Variants in AFF1 observed in about 807,000 individuals in gnomAD.
AFF1 encodes ALF transcription elongation factor 1.
A neutral mutation model predicts 121.7 loss-of-function variants in AFF1; 48 were observed. The ratio of observed to expected loss-of-function variants is 0.39; its 90% CI spans 0.31 to 0.50. The LOEUF (loss-of-function observed/expected upper bound fraction) is 0.50. Among genes scored for constraint, AFF1 ranks in the 20% least tolerant of loss-of-function variants. The pLI is 0.76. For missense variants in AFF1, 1,523 were observed against 1,511.7 expected, an observed-to-expected ratio of 1.01 and a Z score of -0.12; for synonymous variants, 613 against 563.0, an observed-to-expected ratio of 1.09 and a Z score of -1.26.
At chr4:87,092,581 A>G (rs1237737177) in intron 7 of AFF1, among the ~76,000 whole-genome samples, 1 of 152,112 alleles carries the variant, frequency 6.6e-6, no homozygotes, top group Non-Finnish European at 1.5e-5. Context: ...TAGTTTTTGT[A>G]AATAAAGTTT....
At chr4:86,981,113 C>T (rs1047227161) in intron 2 of AFF1, among the ~76,000 whole-genome samples, 13 of 151,750 alleles carry the variant, frequency 8.6e-5, no homozygotes, top group Non-Finnish European at 1.6e-4. Flanking sequence ...GCCAGGTTCA[C>T]GCCACTCTCC....
chr4:86,990,054 A>G (rs1252992527), intron 2 of AFF1, among the ~76,000 whole-genome samples: 2 of 152,158 alleles, frequency 1.3e-5, no homozygotes, highest in Non-Finnish European at 2.9e-5. Flanking sequence ...GAGGGATAGC[A>G]TTAGGAGAAA....
At chr4:87,018,987 G>C (rs755010146) in intron 2 of AFF1, among the ~76,000 whole-genome samples, 4 of 152,128 alleles carry the variant, frequency 2.6e-5, no homozygotes, top group Non-Finnish European at 5.9e-5. Context: ...CATTCCACCT[G>C]GCTATTAAAT....
chr4:87,139,504 C>T lies in AFF1; in HGVS notation c.*3803C>T, dbSNP rs193182210. On this transcript the variant is annotated 3_prime_UTR_variant, in exon 21 of 21. Coordinates refer to ENST00000395146, the MANE Select transcript of AFF1 (RefSeq NM_001166693.3). The stretch of plus-strand genomic sequence containing the variant: ...ACTGATTAGCAGTATTTAAATCTTG[C>T]AAGAATATTTTGTGCTTTCTTTAGA... The T allele has an allele frequency of 4.8e-5, 11 of 231,510 alleles. No homozygotes were observed. Among genetic ancestry groups the T allele is most frequent in the Non-Finnish European group, 8.6e-5 (10 of 116,744 alleles). The allele number at this position is 231,510 out of a possible 1,614,324, so 14.3% of individuals were successfully genotyped here. A position where few individuals can be genotyped will look rare whatever the true frequency, so the allele number is the denominator to read the frequency against.
rs1719982417 is a variant in AFF1 at position 87,055,166 on chromosome 4, C to A, written c.1059+7572C>A. Among the ~76,000 whole-genome samples, 4 of 152,220 alleles carry A rather than the reference C, an allele frequency of 2.6e-5. No homozygotes were observed. The South Asian group carries it at 8.3e-4, about 32-fold the overall frequency. On this transcript the variant is annotated intron_variant, in intron 4 of 20. Coordinates refer to ENST00000395146, the MANE Select transcript of AFF1 (RefSeq NM_001166693.3). Reference sequence around the variant, plus strand: ...GATTTATTTTTATTTTTTGTAGAGACAAGGTCTTGGGGTGTTGCCCAGGCT... The same window carrying A: ...GATTTATTTTTATTTTTTGTAGAGAAAAGGTCTTGGGGTGTTGCCCAGGCT...
chr4:86,951,259 G>A (rs1721282466), intron 2 of AFF1, among the ~76,000 whole-genome samples: 1 of 151,968 alleles, frequency 6.6e-6, no homozygotes, highest in Admixed American at 6.6e-5. Context: ...TGCTTTTCAG[G>A]TGTGCCACGA....
At chr4:87,052,519 A>G (rs1467508692) in intron 4 of AFF1, among the ~76,000 whole-genome samples, 2 of 152,076 alleles carry the variant, frequency 1.3e-5, no homozygotes, top group East Asian at 3.9e-4. Context: ...CTGGCGACAT[A>G]GGCAGGAGTA....
intron 4 of AFF1, among the ~76,000 whole-genome samples, chr4:87,067,666 TAG>T (rs1179173997): frequency 3.9e-5 from 6 of 152,250 alleles, no homozygotes; most frequent in Admixed American, 3.9e-4. Flanking sequence ...AGCTTTCAGA[TAG>T]AGACTTGAGA....
chr4:86,962,058 A>G (rs926025835), intron 2 of AFF1, among the ~76,000 whole-genome samples: 1 of 152,130 alleles, frequency 6.6e-6, no homozygotes, highest in Admixed American at 6.6e-5. Flanking sequence ...GTGTTCCTCA[A>G]TAGCTGGTAA....
intron 4 of AFF1, among the ~76,000 whole-genome samples, chr4:87,066,770 A>G (rs1378990926): frequency 6.6e-6 from 1 of 152,104 alleles, no homozygotes; most frequent in African/African-American, 2.4e-5. Context: ...TCTCAACCCA[A>G]CCCTGAAGGT....
intron 2 of AFF1, among the ~76,000 whole-genome samples, chr4:86,983,943 A>G (rs1288668606): frequency 6.7e-6 from 1 of 149,988 alleles, no homozygotes. Flanking sequence ...AGGCTGAGGC[A>G]GGAGAATGGT....
chr4:87,068,456 T>C (rs923185231), intron 4 of AFF1, among the ~76,000 whole-genome samples: 7 of 152,386 alleles, frequency 4.6e-5, no homozygotes, highest in African/African-American at 1.7e-4. Flanking sequence ...TGCTATCATC[T>C]ACTTTAAATC....
chr4:87,067,171 G>A (rs1314399596), intron 4 of AFF1, among the ~76,000 whole-genome samples: 1 of 152,212 alleles, frequency 6.6e-6, no homozygotes, highest in African/African-American at 2.4e-5. Context: ...AAGAAAGAAA[G>A]ACTGAGGCTT....
At chr4:87,043,667 G>A (rs1268903669) in intron 2 of AFF1, among the ~76,000 whole-genome samples, 2 of 152,126 alleles carry the variant, frequency 1.3e-5, no homozygotes, top group Non-Finnish European at 2.9e-5. Flanking sequence ...ACCAGTTTCT[G>A]GTTCAGCAGC....
chr4:86,954,831 GTC>G (rs1197063529), intron 2 of AFF1, among the ~76,000 whole-genome samples: 1 of 152,224 alleles, frequency 6.6e-6, no homozygotes, highest in Non-Finnish European at 1.5e-5. Flanking sequence ...AAAGAGGAAA[GTC>G]TTCATGTCTC....
chr4:86,972,241 A>C (rs1723000347), intron 2 of AFF1, among the ~76,000 whole-genome samples: 1 of 151,212 alleles, frequency 6.6e-6, no homozygotes, highest in African/African-American at 2.4e-5. Context: ...GGTCTGTTAC[A>C]TTTTCTTCCA....
intron 4 of AFF1, among the ~76,000 whole-genome samples, chr4:87,077,479 T>C (rs965185653): frequency 4.6e-5 from 7 of 152,288 alleles, no homozygotes; most frequent in Non-Finnish European, 8.8e-5. Context: ...TTTATTTCAA[T>C]CTAATATTTG....
chr4:86,985,127 AATAT>A (rs199906635), intron 2 of AFF1, among the ~76,000 whole-genome samples: 21,890 of 134,798 alleles, frequency 0.16, 2,209 homozygotes, highest in South Asian at 0.37. Context: ...ATAGTAATAT[AATAT>A]ATATAATTAT....
At chr4:87,132,960 C>T (rs1013640201) in intron 19 of AFF1, among the ~76,000 whole-genome samples, 3 of 152,206 alleles carry the variant, frequency 2.0e-5, no homozygotes, top group Admixed American at 1.3e-4. Context: ...TCCCAAAGTG[C>T]GGGGATGCCA....
Sources: allele counts gnomAD v4.1 joint callset (sites outside exome capture counted in the v4.1 genomes callset), GRCh38; gene constraint gnomAD v4.1.1; transcripts MANE v1.5; gene names NCBI Gene and HGNC (gene_info 2026-07-23, HGNC 2026-07-21).